Variants in MT1H observed in about 807,000 individuals in gnomAD.
MT1H encodes the protein metallothionein 1H.
A neutral mutation model predicts 8.7 loss-of-function variants in MT1H; 8 were observed. The ratio of observed to expected loss-of-function variants is 0.92; its 90% CI spans 0.54 to 1.66. The LOEUF is 1.66. Among genes scored for constraint, MT1H ranks in the 40% most tolerant of loss-of-function variants. MT1H has a pLI of 0.00. For missense variants in MT1H, 84 were observed against 75.2 expected, an observed-to-expected ratio of 1.12 and a Z score of -0.43; for synonymous variants, 32 against 28.9, an observed-to-expected ratio of 1.11 and a Z score of -0.34.
At position 56,669,857 on chromosome 16, in the gene MT1H, G is replaced by C. The variant is rs1960847806; in HGVS notation, c.-28G>C. ...TCCACTGCCTCTTCTCTTCTCGCTT[G>C]GGAACTCCAGTCTCACCTCGGCTTG... On this transcript the variant is annotated 5_prime_UTR_variant, in exon 1 of 3. Transcript: ENST00000332374. The C allele has an allele frequency of 6.2e-7, 1 of 1,614,054 alleles. No homozygotes were observed. Among genetic ancestry groups the C allele is most frequent in the Admixed American group, 1.7e-5 (1 of 60,002 alleles).
intron 2 of MT1H, 33 bp from the exon 3 acceptor site, chr16:56,670,865 T>A: frequency 6.2e-7 from 1 of 1,613,424 alleles, no homozygotes; most frequent in South Asian, 1.1e-5. Flanking sequence ...CCTGGTCAAG[T>A]CTGCTGTGAC....
At position 56,671,082 on chromosome 16, in the gene MT1H, C is replaced by CTT; in HGVS notation, c.*99_*100dup. On this transcript the variant is annotated 3_prime_UTR_variant, in exon 3 of 3. Coordinates refer to ENST00000332374, the MANE Select transcript of MT1H (RefSeq NM_005951.2). ...CAACTCCGACTCATTTGCTACATTC[C>CTT]TTTTTTTCTGTGAAATATGTGAATA... 6.9e-7 allele frequency: 1 copy of CTT among 1,457,232 alleles called. No homozygotes were observed. Among genetic ancestry groups the CTT allele is most frequent in the Non-Finnish European group, 9.3e-7 (1 of 1,078,072 alleles). The allele number at this position is 1,457,232 out of a possible 1,614,324, so 90.3% of individuals were successfully genotyped here. A position where few individuals can be genotyped will look rare whatever the true frequency, so the allele number is the denominator to read the frequency against.
rs776479229 is a variant in MT1H, at chr16:56,670,557, C to T, written c.80C>T (p.Thr27Ile). 2.5e-6 allele frequency: 4 copies of T among 1,614,240 alleles called. No individual in the cohort carries two copies. The highest frequency in any genetic ancestry group is 2.2e-5 in the East Asian group (1 of 44,888). ...GSCKCKKCKC[T>I]SCKKSCCSCC... ...TGCAAGTGCAAAAAGTGCAAATGCA[C>T]CTCCTGCAAGAAGAGTGAGTGCGGG... Residue 27 changes from threonine (T) to isoleucine (I), a missense_variant, in exon 2 of 3, where the codon ACC becomes ATC. Thr to Ile is a moderately conservative substitution (Grantham distance 89, BLOSUM62 -1). Transcript: ENST00000332374.
chr16:56,670,130 C>T (rs545209352), intron 1 of MT1H, among the ~76,000 whole-genome samples: 33 of 152,348 alleles, frequency 2.2e-4, no homozygotes, highest in African/African-American at 7.9e-4. Context: ...GGCTGTCCTG[C>T]TCCACATCAC....
Position 56,670,937 on chromosome 16 carries a change from C to T in MT1H, c.134C>T (p.Ala45Val), listed in dbSNP as rs1960865195. ...SCCPLGCAKC[A>V]QGCICKGASE... ...TGCCCCCTGGGCTGTGCCAAGTGTG[C>T]CCAGGGCTGCATCTGCAAAGGGGCG... The change falls in exon 3 of 3, where the codon GCC becomes GTC. Residue 45 changes from alanine (A) to valine (V), a missense_variant. Coordinates refer to ENST00000332374, the MANE Select transcript of MT1H (RefSeq NM_005951.2). The T allele has an allele frequency of 6.2e-7, 1 of 1,614,098 alleles. No individual in the cohort carries two copies. The highest frequency in any genetic ancestry group is 1.3e-5 in the African/African-American group (1 of 74,938).
chr16:56,670,491 T>G lies in MT1H; in HGVS notation c.29-15T>G, dbSNP rs781637112. On this transcript the variant is annotated splice_polypyrimidine_tract_variant and intron_variant, in intron 1 of 2. Coordinates refer to ENST00000332374, the MANE Select transcript of MT1H (RefSeq NM_005951.2). The stretch of plus-strand genomic sequence containing the variant: ...ATCTCACTCACAACACACTGGCTTT[T>G]TCTATTCCTTGCAGGTGGCTCCTGC... The G allele has an allele frequency of 6.2e-7, 1 of 1,613,936 alleles. No homozygotes were observed. Among genetic ancestry groups the G allele is most frequent in the African/African-American group, 1.3e-5 (1 of 74,774 alleles).
chr16:56,669,825 C>T lies in MT1H; in HGVS notation c.-60C>T, dbSNP rs1269651704. ...AACTGTTGCGCTCCACCACGCCCTC[C>T]ACGTGTTCCACTGCCTCTTCTCTTC... is the stretch of plus-strand genomic sequence containing the variant. On this transcript the variant is annotated 5_prime_UTR_variant, in exon 1 of 3. Coordinates refer to ENST00000332374, the MANE Select transcript of MT1H (RefSeq NM_005951.2). The T allele has an allele frequency of 3.7e-6, 6 of 1,613,668 alleles. No individual in the cohort carries two copies. The highest frequency in any genetic ancestry group is 1.3e-5 in the African/African-American group (1 of 74,918).
intron 2 of MT1H, 147 bp from the exon 3 acceptor site, chr16:56,670,749 AAT>A (rs1960862156): frequency 6.7e-7 from 1 of 1,488,110 alleles, no homozygotes; most frequent in Admixed American, 1.9e-5. Flanking sequence ...GACTCACCCC[AAT>A]ATCCACCAGT....
Position 56,669,828 on chromosome 16 carries a change from G to A in MT1H, c.-57G>A. 1 of 1,613,744 alleles carries A rather than the reference G, an allele frequency of 6.2e-7. No homozygotes were observed. The highest frequency in any genetic ancestry group is 8.5e-7 in the Non-Finnish European group (1 of 1,179,850). Reference sequence around the variant, plus strand: ...TGTTGCGCTCCACCACGCCCTCCACGTGTTCCACTGCCTCTTCTCTTCTCG... The same window carrying A: ...TGTTGCGCTCCACCACGCCCTCCACATGTTCCACTGCCTCTTCTCTTCTCG... On this transcript the variant is annotated 5_prime_UTR_variant, in exon 1 of 3. It adds an upstream start codon to the 5' untranslated region. Transcript: ENST00000332374.
intron 1 of MT1H, 129 bp from the exon 2 acceptor site, chr16:56,670,377 T>A: frequency 7.2e-7 from 1 of 1,380,790 alleles, no homozygotes; most frequent in Non-Finnish European, 1.0e-6. Flanking sequence ...CTTCTCTTCT[T>A]CTGCTGAGTG....
At chr16:56,670,389 G>C (rs1960855271) in intron 1 of MT1H, 117 bp from the exon 2 acceptor site, 1 of 1,471,850 alleles carries the variant, frequency 6.8e-7, no homozygotes, top group African/African-American at 1.4e-5. Flanking sequence ...TGCTGAGTGG[G>C]AAAGGAGCTC....
At chr16:56,669,991 T>C (rs1335077107) in intron 1 of MT1H, 79 bp downstream of exon 1, 1 of 1,591,782 alleles carries the variant, frequency 6.3e-7, no homozygotes, top group Non-Finnish European at 8.6e-7. Flanking sequence ...TTTGAGGAGG[T>C]CATATTTTGC....
chr16:56,670,213 G>A (rs2062545), intron 1 of MT1H, among the ~76,000 whole-genome samples: 133,562 of 152,208 alleles, frequency 0.88, 59,675 homozygotes, highest in East Asian at 1. Flanking sequence ...TTGGATGGGA[G>A]GCATTGGATA....
chr16:56,669,823 T>C lies in MT1H; in HGVS notation c.-62T>C. 6.2e-7 allele frequency: 1 copy of C among 1,613,682 alleles called. No individual in the cohort carries two copies. Among genetic ancestry groups the C allele is most frequent in the Non-Finnish European group, 8.5e-7 (1 of 1,179,802 alleles). ...CCAACTGTTGCGCTCCACCACGCCC[T>C]CCACGTGTTCCACTGCCTCTTCTCT... On this transcript the variant is annotated 5_prime_UTR_variant, in exon 1 of 3. Coordinates refer to ENST00000332374, the MANE Select transcript of MT1H (RefSeq NM_005951.2).
At position 56,670,916 on chromosome 16, in the gene MT1H, C is replaced by T. The variant is rs778598063; in HGVS notation, c.113C>T (p.Pro38Leu). Residue 38 changes from proline (P) to leucine (L), a missense_variant, in exon 3 of 3, where the codon CCC (proline) becomes CTC (leucine). Transcript: ENST00000332374. Reference protein sequence around the residue: ...SCKKSCCSCCPLGCAKCAQGC... With the variant: ...SCKKSCCSCCLLGCAKCAQGC... ...TCCCCAGGCTGCTGCTCCTGTTGCC[C>T]CCTGGGCTGTGCCAAGTGTGCCCAG... is the stretch of plus-strand genomic sequence containing the variant. 4 of 1,614,216 alleles carry T rather than the reference C, an allele frequency of 2.5e-6. No homozygotes were observed. Among genetic ancestry groups the T allele is most frequent in the Non-Finnish European group, 1.7e-6 (2 of 1,180,044 alleles).
In MT1H at chr16:56,670,882, CT is replaced by C. The variant is rs757142239; in HGVS notation, c.95-15del. 82 of 1,613,656 alleles carry C rather than the reference CT, an allele frequency of 5.1e-5. No individual in the cohort carries two copies. The highest frequency in any genetic ancestry group is 6.3e-5 in the Non-Finnish European group (74 of 1,179,846). ...TGGTCAAGTCTGCTGTGACTTCTCT[CT>C]CCCTTTTTCCCCAGGCTGCTGCTCC... On this transcript the variant is annotated splice_polypyrimidine_tract_variant and intron_variant, in intron 2 of 2. Transcript: ENST00000332374.
intron 2 of MT1H, 111 bp downstream of exon 2, chr16:56,670,682 T>C (rs745796343): frequency 1.2e-5 from 19 of 1,588,724 alleles, no homozygotes; most frequent in Non-Finnish European, 1.5e-5. Flanking sequence ...GTCACTGCCT[T>C]TCCAGTCTTC....
intron 2 of MT1H, 139 bp from the exon 3 acceptor site, chr16:56,670,759 A>G: frequency 1.1e-5 from 16 of 1,496,314 alleles, no homozygotes; most frequent in Non-Finnish European, 1.5e-5. Flanking sequence ...AATATCCACC[A>G]GTCGTCTCCT....
At chr16:56,670,747 C>T in intron 2 of MT1H, 151 bp from the exon 3 acceptor site, 1 of 1,483,030 alleles carries the variant, frequency 6.7e-7, no homozygotes, top group South Asian at 1.2e-5. Context: ...AAGACTCACC[C>T]CAATATCCAC....
Sources: gnomAD v4.1 joint callset for allele counts (sites outside exome capture counted in the v4.1 genomes callset) on GRCh38, gnomAD v4.1.1 for gene constraint, MANE v1.5 for transcripts, NCBI Gene and HGNC (gene_info 2026-07-23, HGNC 2026-07-21) for gene names.